The following HORMAD2 variants were observed in gnomAD, a reference collection of about 807,000 sequenced individuals.
HORMAD2 encodes HORMA domain-containing protein 2.
In HORMAD2, 45 loss-of-function variants were observed where a neutral mutation model predicts 38.8. The observed-to-expected ratio is 1.16, with a 90% CI of 0.91 to 1.49. The LOEUF (loss-of-function observed/expected upper bound fraction) is 1.49, where lower values mean the gene tolerates loss of function less well. Among genes scored for constraint, HORMAD2 ranks in the 40% most tolerant of loss-of-function variants. The probability of loss-of-function intolerance (pLI) is 0.00; values close to 1 mark genes in which losing one functional copy is unlikely to be tolerated. For missense variants in HORMAD2, 338 were observed against 367.0 expected (o/e 0.92, Z 0.65); for synonymous variants, 126 against 122.8 (o/e 1.03, Z -0.17).
At chr22:30,124,642 A>T (rs1922707283) in intron 10 of HORMAD2, among the ~76,000 whole-genome samples, 1 of 152,120 alleles carries the variant, frequency 6.6e-6, no homozygotes, top group Non-Finnish European at 1.5e-5. Flanking sequence ...CTTTTGCTTG[A>T]ACTTCAAAGT....
At chr22:30,182,093 GGA>G in the HORMAD2 span, among the ~76,000 whole-genome samples, 1 of 152,174 alleles carries the variant, frequency 6.6e-6, no homozygotes, top group Non-Finnish European at 1.5e-5. Context: ...TGAGGGTTCT[GGA>G]GTTAGACGTT....
chr22:30,180,361 G>A (rs1238827903), downstream of HORMAD2, among the ~76,000 whole-genome samples: 1 of 152,148 alleles, frequency 6.6e-6, no homozygotes, highest in Non-Finnish European at 1.5e-5. Context: ...TATAAGAGTG[G>A]ATTTTAAGGG....
At chr22:30,203,961 G>T in the HORMAD2 span, among the ~76,000 whole-genome samples, 1 of 152,234 alleles carries the variant, frequency 6.6e-6, no homozygotes, top group South Asian at 2.1e-4. Context: ...TGCACACATT[G>T]TCATAGTGCC....
At chr22:30,153,874 T>A (rs974039905) in intron 10 of HORMAD2, among the ~76,000 whole-genome samples, 13 of 152,290 alleles carry the variant, frequency 8.5e-5, no homozygotes, top group Middle Eastern at 3.4e-3. Flanking sequence ...CAAAATATAT[T>A]TCAAATCTGG....
chr22:30,083,260 C>T (rs923424373), intron 1 of HORMAD2, among the ~76,000 whole-genome samples: 5 of 152,120 alleles, frequency 3.3e-5, no homozygotes, highest in African/African-American at 9.7e-5. Context: ...AGAGTAAGAC[C>T]TTGTCTCAAA....
At chr22:30,129,866 G>A (rs555742281) in intron 10 of HORMAD2, among the ~76,000 whole-genome samples, 1 of 152,080 alleles carries the variant, frequency 6.6e-6, no homozygotes, top group South Asian at 2.1e-4. Context: ...CATGGCAGAG[G>A]ACATTCCAGG....
At chr22:30,205,064 T>G in the HORMAD2 span, among the ~76,000 whole-genome samples, 2 of 152,176 alleles carry the variant, frequency 1.3e-5, no homozygotes, top group African/African-American at 2.4e-5. Flanking sequence ...TTTCTCTCTG[T>G]GAGGCGGGCA....
chr22:30,180,573 A>G (rs1163900736), downstream of HORMAD2, among the ~76,000 whole-genome samples: 1 of 152,222 alleles, frequency 6.6e-6, no homozygotes, highest in Non-Finnish European at 1.5e-5. Flanking sequence ...TCATCTCTCT[A>G]GCCCCCAGTT....
At chr22:30,158,296 T>C (rs879312808) in intron 10 of HORMAD2, among the ~76,000 whole-genome samples, 3 of 151,956 alleles carry the variant, frequency 2.0e-5, no homozygotes, top group Non-Finnish European at 4.4e-5. Flanking sequence ...GTTTGGTTCC[T>C]ACATAATCAA....
intron 10 of HORMAD2, among the ~76,000 whole-genome samples, chr22:30,158,686 TC>T (rs1925260348): frequency 6.8e-6 from 1 of 146,410 alleles, no homozygotes; most frequent in African/African-American, 2.5e-5. Context: ...CTTCTCTCTT[TC>T]TCTTTCTTTC....
chr22:30,163,364 C>G (rs1046954744), intron 10 of HORMAD2, among the ~76,000 whole-genome samples: 1 of 152,144 alleles, frequency 6.6e-6, no homozygotes, highest in South Asian at 2.1e-4. Context: ...TGTATTACCT[C>G]AGAAAAGATG....
chr22:30,158,801 C>A (rs1925267435), intron 10 of HORMAD2, among the ~76,000 whole-genome samples: 2 of 151,762 alleles, frequency 1.3e-5, no homozygotes, highest in Non-Finnish European at 2.9e-5. Flanking sequence ...CCTCCCACCC[C>A]AGGCTTCCAA....
At chr22:30,110,543 G>T (rs1057433842) in intron 5 of HORMAD2, among the ~76,000 whole-genome samples, 22 of 151,936 alleles carry the variant, frequency 1.4e-4, no homozygotes, top group African/African-American at 5.1e-4. Context: ...AAGCCGCCAT[G>T]CCTGGCTAAT....
intron 7 of HORMAD2, among the ~76,000 whole-genome samples, chr22:30,113,351 A>G (rs887181762): frequency 2.0e-5 from 3 of 151,806 alleles, no homozygotes; most frequent in Non-Finnish European, 4.4e-5. Flanking sequence ...AGTAGCTGGG[A>G]CTACTGGCAT....
chr22:30,205,490 G>A, the HORMAD2 span, among the ~76,000 whole-genome samples: 2 of 152,152 alleles, frequency 1.3e-5, no homozygotes, highest in African/African-American at 4.8e-5. Context: ...AGGTCACGTT[G>A]TGTCCCATAT....
At chr22:30,166,458 G>T (rs1380055588) in intron 10 of HORMAD2, among the ~76,000 whole-genome samples, 1 of 152,120 alleles carries the variant, frequency 6.6e-6, no homozygotes, top group Non-Finnish European at 1.5e-5. Flanking sequence ...ATTTCATTTT[G>T]ATTAAATGTA....
At chr22:30,099,128 A>G (rs973270907) in intron 3 of HORMAD2, 135 bp downstream of exon 3, 1 of 665,794 alleles carries the variant, frequency 1.5e-6, no homozygotes, top group Non-Finnish European at 2.3e-6. Context: ...TTGCTAATCC[A>G]TTTTCCATTT....
chr22:30,117,890 A>G (rs915439957), intron 7 of HORMAD2, among the ~76,000 whole-genome samples: 1 of 152,180 alleles, frequency 6.6e-6, no homozygotes, highest in African/African-American at 2.4e-5. Context: ...TTTTCTTAAC[A>G]GTGAGGAGAG....
chr22:30,143,816 T>A (rs1211250222), intron 10 of HORMAD2, among the ~76,000 whole-genome samples: 1 of 152,154 alleles, frequency 6.6e-6, no homozygotes, highest in Non-Finnish European at 1.5e-5. Context: ...TGCAGATCCC[T>A]CATGGCTTTG....
Sources: allele counts gnomAD v4.1 joint callset (sites outside exome capture counted in the v4.1 genomes callset), GRCh38; gene constraint gnomAD v4.1.1; transcripts MANE v1.5; gene names NCBI Gene and HGNC (gene_info 2026-07-23, HGNC 2026-07-21).